The following QTGAL variants were observed in gnomAD, a reference collection of about 807,000 sequenced individuals.
The protein encoded by QTGAL is BGnT-like protein 1.
the QTGAL span, among the ~76,000 whole-genome samples, chr17:82,952,206 A>T: frequency 1.3e-5 from 2 of 152,110 alleles, no homozygotes; most frequent in Non-Finnish European, 2.9e-5. Flanking sequence ...AGTGTAGACC[A>T]ACACACGCTG....
the QTGAL span, among the ~76,000 whole-genome samples, chr17:83,027,865 G>A: frequency 6.6e-6 from 1 of 152,140 alleles, no homozygotes; most frequent in Non-Finnish European, 1.5e-5. Context: ...TGTAATCCTA[G>A]CACTCTGGGA....
the QTGAL span, among the ~76,000 whole-genome samples, chr17:82,955,295 G>A: frequency 2.0e-5 from 3 of 152,180 alleles, no homozygotes; most frequent in African/African-American, 7.2e-5. Context: ...ATCAAAAAGT[G>A]GGCGAAGGAC....
chr17:82,942,849 G>T, the QTGAL span: 1 of 314,736 alleles, frequency 3.2e-6, no homozygotes, highest in South Asian at 4.4e-5. Context: ...CCCTGCTGTG[G>T]GAGACGTCTG....
At chr17:82,943,432 C>CA in the QTGAL span, 1 of 152,366 alleles carries the variant, frequency 6.6e-6, no homozygotes, top group Non-Finnish European at 1.5e-5. Flanking sequence ...TGTGGCCACT[C>CA]AGAGGCCCAA....
chr17:82,991,813 G>C, the QTGAL span, among the ~76,000 whole-genome samples: 1 of 152,080 alleles, frequency 6.6e-6, no homozygotes, highest in Non-Finnish European at 1.5e-5. Context: ...AGAAATTCAA[G>C]ATAACACAGA....
At chr17:83,035,670 A>G in the QTGAL span, among the ~76,000 whole-genome samples, 1 of 152,178 alleles carries the variant, frequency 6.6e-6, no homozygotes. Context: ...AAAAAAAATG[A>G]GATGGACCTT....
the QTGAL span, among the ~76,000 whole-genome samples, chr17:83,024,834 G>A: frequency 6.6e-6 from 1 of 152,262 alleles, no homozygotes; most frequent in Non-Finnish European, 1.5e-5. Context: ...CACGGGGCCT[G>A]GGCCGTGCTG....
At chr17:82,956,140 ATG>A in the QTGAL span, among the ~76,000 whole-genome samples, 12 of 151,974 alleles carry the variant, frequency 7.9e-5, no homozygotes, top group East Asian at 2.1e-3. The surrounding 1 kb of genome is among the most constrained non-coding windows in gnomAD (Gnocchi z 5.7). Context: ...TGTTCAGCAC[ATG>A]TATCCCAGAA....
At chr17:82,949,564 G>C in the QTGAL span, 1 of 152,156 alleles carries the variant, frequency 6.6e-6, no homozygotes, top group Non-Finnish European at 1.5e-5. Context: ...CTCTCAAAAG[G>C]ATGGAGCAGA....
the QTGAL span, chr17:83,006,349 T>G: frequency 2.8e-5 from 28 of 985,388 alleles, no homozygotes; most frequent in African/African-American, 4.4e-4. This position sits in a 1 kb window ranked among gnomAD's most constrained non-coding sequence, Gnocchi z 5.8. Flanking sequence ...TGGGGGAGGC[T>G]TCTGTTTGCA....
chr17:83,037,515 C>T, the QTGAL span, among the ~76,000 whole-genome samples: 1 of 152,226 alleles, frequency 6.6e-6, no homozygotes, highest in Non-Finnish European at 1.5e-5. This position sits in a 1 kb window ranked among gnomAD's most constrained non-coding sequence, Gnocchi z 5.2. Flanking sequence ...GAAATGCACC[C>T]GGGGAGGCGA....
chr17:83,043,927 A>G, the QTGAL span, among the ~76,000 whole-genome samples: 3 of 152,132 alleles, frequency 2.0e-5, no homozygotes, highest in African/African-American at 7.2e-5. Flanking sequence ...CAAACTACCA[A>G]AATTGACTCA....
chr17:83,045,951 GTAGCTGGGA>G, the QTGAL span, among the ~76,000 whole-genome samples: 1 of 151,980 alleles, frequency 6.6e-6, no homozygotes, highest in East Asian at 1.9e-4. Flanking sequence ...AGCCTCCTGA[GTAGCTGGGA>G]TTAAAGGCCG....
the QTGAL span, among the ~76,000 whole-genome samples, chr17:83,012,950 G>A: frequency 1.7e-4 from 26 of 151,672 alleles, no homozygotes; most frequent in Admixed American, 4.6e-4. Context: ...AGACACTCTC[G>A]GACGTCTCTC....
chr17:83,014,457 C>T, the QTGAL span: 286 of 1,613,972 alleles, frequency 1.8e-4, no homozygotes, highest in Admixed American at 1.0e-3. Context: ...TACTTACGCT[C>T]GACGGGTGCT....
chr17:82,978,285 A>G, the QTGAL span, among the ~76,000 whole-genome samples: 1 of 152,006 alleles, frequency 6.6e-6, no homozygotes, highest in East Asian at 1.9e-4. The surrounding 1 kb of genome is among the most constrained non-coding windows in gnomAD (Gnocchi z 4.8). Flanking sequence ...TCCTAATTTT[A>G]GGGACTGGCT....
the QTGAL span, among the ~76,000 whole-genome samples, chr17:82,960,076 C>T: frequency 6.6e-6 from 1 of 152,200 alleles, no homozygotes; most frequent in African/African-American, 2.4e-5. Context: ...GGACACGTCA[C>T]CGCATGAGGA....
At chr17:82,965,516 T>G in the QTGAL span, 180 of 867,958 alleles carry the variant, frequency 2.1e-4, 1 homozygote, top group Middle Eastern at 1.4e-3. Flanking sequence ...GGGAGGACCC[T>G]CAGGCAGGGG....
chr17:83,021,484 C>T, the QTGAL span, among the ~76,000 whole-genome samples: 1 of 151,990 alleles, frequency 6.6e-6, no homozygotes. Flanking sequence ...AGACCCATAC[C>T]CTAAAAACTA....
Sources: allele counts gnomAD v4.1 joint callset (sites outside exome capture counted in the v4.1 genomes callset), GRCh38; gene constraint gnomAD v4.1.1; non-coding constraint Gnocchi (gnomAD v3.1); transcripts MANE v1.5; gene names NCBI Gene and HGNC (gene_info 2026-07-23, HGNC 2026-07-21).